Variants in ZSWIM5 observed in about 807,000 individuals in gnomAD.
ZSWIM5 encodes zinc finger SWIM domain-containing protein 5.
ZSWIM5 carries 55 observed loss-of-function variants against 119.6 expected under a neutral mutation model. The ratio of observed to expected loss-of-function variants is 0.46; its 90% CI spans 0.37 to 0.58. ZSWIM5 has a LOEUF of 0.58. Among genes scored for constraint, ZSWIM5 ranks in the 20% least tolerant of loss-of-function variants. The probability of loss-of-function intolerance (pLI) is 0.00; values close to 1 mark genes in which losing one functional copy is unlikely to be tolerated. For missense variants in ZSWIM5, 1,193 were observed against 1,512.8 expected, an observed-to-expected ratio of 0.79 and a Z score of 3.51; for synonymous variants, 537 against 606.9, an observed-to-expected ratio of 0.88 and a Z score of 1.69.
intron 1 of ZSWIM5, among the ~76,000 whole-genome samples, chr1:45,193,192 G>A (rs1346961537): frequency 1.3e-5 from 2 of 152,152 alleles, no homozygotes; most frequent in African/African-American, 4.8e-5. Context: ...TACTGATTAA[G>A]TTCTGGTCTC....
At chr1:45,128,198 GA>G (rs1437975257) in intron 1 of ZSWIM5, among the ~76,000 whole-genome samples, 1 of 151,840 alleles carries the variant, frequency 6.6e-6, no homozygotes, top group East Asian at 1.9e-4. Context: ...AAGGTAGAAA[GA>G]AACAGTCTAC....
intron 1 of ZSWIM5, among the ~76,000 whole-genome samples, chr1:45,170,970 AAATAGT>A (rs1327467229): frequency 6.6e-6 from 1 of 152,182 alleles, no homozygotes; most frequent in African/African-American, 2.4e-5. Context: ...TTATTGTAAT[AAATAGT>A]AATAGTAAAA....
At chr1:45,103,830 G>GT in intron 1 of ZSWIM5, among the ~76,000 whole-genome samples, 1 of 152,264 alleles carries the variant, frequency 6.6e-6, no homozygotes, top group Middle Eastern at 3.4e-3. Context: ...AAAGCCTTTT[G>GT]TTTTTCTGAG....
intron 11 of ZSWIM5, among the ~76,000 whole-genome samples, chr1:45,022,312 A>G (rs901258695): frequency 6.6e-6 from 1 of 151,642 alleles, no homozygotes; most frequent in African/African-American, 2.4e-5. Context: ...TTGCATTTTT[A>G]GTAGAGATGG....
intron 1 of ZSWIM5, among the ~76,000 whole-genome samples, chr1:45,124,587 C>A (rs1645609729): frequency 6.6e-6 from 1 of 151,616 alleles, no homozygotes; most frequent in African/African-American, 2.4e-5. Flanking sequence ...AAACAGAAAA[C>A]AAAAAATAAA....
At position 45,018,864 on chromosome 1, in the gene ZSWIM5, G is replaced by C; in HGVS notation, c.3148C>G (p.His1050Asp). The C allele has an allele frequency of 6.2e-7, 1 of 1,614,244 alleles. No individual in the cohort carries two copies. The highest frequency in any genetic ancestry group is 8.5e-7 in the Non-Finnish European group (1 of 1,180,048). ...GCCAGCTCATTCTTGCCCAGAGAGT[G>C]GCTGAGAGCACAAGCCCAGAGCACA... is the stretch of plus-strand genomic sequence containing the variant. The part of the protein sequence containing the change: ...NDVLWACALS[H>D]SLGKNELAAL... Residue 1050 changes from histidine to aspartate, a missense_variant, in exon 14 of 14, where the codon CAC (histidine) becomes GAC (aspartate). Around this residue, in one of 2 missense-constraint regions of ZSWIM5, gnomAD observed 961 missense variants for 1,290.0 expected, o/e 0.74. Transcript: ENST00000359600. This position sits in a 1 kb window ranked among gnomAD's most constrained non-coding sequence, Gnocchi z 6.7.
chr1:45,044,765 A>ATG (rs71040538), intron 5 of ZSWIM5, among the ~76,000 whole-genome samples: 3,386 of 6,802 alleles, frequency 0.5, 1,325 homozygotes, highest in Admixed American at 0.7. Context: ...ATATATATAT[A>ATG]TATATATATA....
chr1:45,085,188 G>A (rs1165652803), intron 2 of ZSWIM5, among the ~76,000 whole-genome samples: 3 of 152,226 alleles, frequency 2.0e-5, no homozygotes, highest in African/African-American at 7.2e-5. Context: ...ACATATCTGG[G>A]GCCCTTTTAG....
At chr1:45,089,323 A>AT (rs1392759232) in intron 1 of ZSWIM5, among the ~76,000 whole-genome samples, 1 of 152,172 alleles carries the variant, frequency 6.6e-6, no homozygotes, top group Middle Eastern at 3.2e-3. Context: ...TGAAAAGAGT[A>AT]TGTATTCATC....
chr1:45,176,135 T>C (rs1464398503), intron 1 of ZSWIM5, among the ~76,000 whole-genome samples: 2 of 148,416 alleles, frequency 1.3e-5, no homozygotes, highest in Non-Finnish European at 3.0e-5. Context: ...CTGAATGCCA[T>C]ATATATATAT....
intron 1 of ZSWIM5, among the ~76,000 whole-genome samples, chr1:45,141,001 CCT>C (rs1461941521): frequency 6.6e-6 from 1 of 152,004 alleles, no homozygotes; most frequent in East Asian, 1.9e-4. Context: ...CCAGGAAAAG[CCT>C]CTCAAAGGGT....
chr1:45,067,184 T>C (rs1249086910), intron 2 of ZSWIM5, among the ~76,000 whole-genome samples: 1 of 152,122 alleles, frequency 6.6e-6, no homozygotes. Context: ...ATGCCTGTAA[T>C]CCTAGCACTT....
At chr1:45,039,678 C>G (rs1645007613) in intron 7 of ZSWIM5, among the ~76,000 whole-genome samples, 1 of 152,020 alleles carries the variant, frequency 6.6e-6, no homozygotes, top group African/African-American at 2.4e-5. Flanking sequence ...AGCCACTGTG[C>G]CTGGCATATT....
chr1:45,155,061 C>A (rs1645819120), intron 1 of ZSWIM5, among the ~76,000 whole-genome samples: 1 of 152,014 alleles, frequency 6.6e-6, no homozygotes, highest in Admixed American at 6.5e-5. Context: ...AACTAAAGAG[C>A]TTTTGCACAG....
In ZSWIM5 at chr1:45,176,040, A is replaced by C. The variant is rs374475914; in HGVS notation, c.595+29716T>G. Among the ~76,000 whole-genome samples, 15 of 151,644 alleles carry C rather than the reference A, an allele frequency of 9.9e-5. No individual in the cohort carries two copies. The East Asian group carries it at 2.5e-3, about 25-fold the overall frequency. ...AAGGAGGCTTTGTTCCTTTTATCGG[A>C]GAAAAGTACTTGGAAACCAAGATAT... On this transcript the variant is annotated intron_variant, in intron 1 of 13. Transcript: ENST00000359600.
chr1:45,138,774 G>C (rs1331916626), intron 1 of ZSWIM5, among the ~76,000 whole-genome samples: 1 of 152,116 alleles, frequency 6.6e-6, no homozygotes, highest in Non-Finnish European at 1.5e-5. Context: ...TCTCATGAGT[G>C]ATTCTCCTGG....
Position 45,072,108 on chromosome 1 carries a change from A to G in ZSWIM5, c.953-11861T>C, listed in dbSNP as rs1461860181. On this transcript the variant is annotated intron_variant, in intron 2 of 13. Coordinates refer to ENST00000359600, the MANE Select transcript of ZSWIM5 (RefSeq NM_020883.2). The surrounding 1 kb of genome is among the most constrained non-coding windows in gnomAD (Gnocchi z 4.1). The stretch of plus-strand genomic sequence containing the variant: ...ACTTCTTATTGCCTGTCTTTTGGAT[A>G]TAAGCCATTTTTACTGAGGTGAGAT... 6.6e-6 allele frequency among the ~76,000 whole-genome samples: 1 copy of G among 152,036 alleles called. No homozygotes were observed. The highest frequency in any genetic ancestry group is 2.4e-5 in the African/African-American group (1 of 41,308).
chr1:45,115,386 C>T (rs1481239213), intron 1 of ZSWIM5, among the ~76,000 whole-genome samples: 1 of 150,822 alleles, frequency 6.6e-6, no homozygotes, highest in African/African-American at 2.4e-5. Flanking sequence ...CCAGACTGGG[C>T]GGCTGCTGGG....
rs1645511426 is a variant in ZSWIM5 at position 45,110,726 on chromosome 1, G to C, written c.596-22489C>G. On this transcript the variant is annotated intron_variant, in intron 1 of 13. Coordinates refer to ENST00000359600, the MANE Select transcript of ZSWIM5 (RefSeq NM_020883.2). ...AACCAAGCAAGTCTCTACGGAAATA[G>C]TGCTAAAATTTAATAATCATTTGAG... 2.6e-5 allele frequency among the ~76,000 whole-genome samples: 4 copies of C among 152,176 alleles called. No individual in the cohort carries two copies. In the South Asian group the frequency reaches 8.3e-4, roughly 32 times the overall value.
Sources: allele counts gnomAD v4.1 joint callset (sites outside exome capture counted in the v4.1 genomes callset), GRCh38; gene constraint gnomAD v4.1.1; regional missense constraint gnomAD v4.1.1; non-coding constraint Gnocchi (gnomAD v3.1); transcripts MANE v1.5; gene names NCBI Gene and HGNC (gene_info 2026-07-23, HGNC 2026-07-21).